Variants in UQCRB observed in about 807,000 individuals in gnomAD.
UQCRB encodes the protein cytochrome b-c1 complex subunit 7.
A neutral mutation model predicts 19.8 loss-of-function variants in UQCRB; 12 were observed. The ratio of observed to expected loss-of-function variants is 0.61; its 90% CI spans 0.39 to 0.98. The LOEUF is 0.98. Among genes scored for constraint, UQCRB ranks in the 50% least tolerant of loss-of-function variants. The pLI is 0.00. For missense variants in UQCRB, 142 were observed against 131.8 expected, an observed-to-expected ratio of 1.08 and a Z score of -0.38; for synonymous variants, 39 against 42.9, an observed-to-expected ratio of 0.91 and a Z score of 0.35.
Position 96,231,860 on chromosome 8 carries a change from C to A in UQCRB, c.172G>T (p.Asp58Tyr), listed in dbSNP as rs776718899. The change falls in exon 3 of 4, where the codon GAC (aspartate) becomes TAC (tyrosine). Residue 58 changes from aspartate (D) to tyrosine (Y), a missense_variant. Coordinates refer to ENST00000287022, the MANE Select transcript of UQCRB (RefSeq NM_006294.5). ...GCCCTCTTAATGCGAAACATCCTGTCATTATAAAGGTTCTCAGGAAGTCTT... is the reference window on the plus strand; with the variant it reads ...GCCCTCTTAATGCGAAACATCCTGTAATTATAAAGGTTCTCAGGAAGTCTT... ...IRRLPENLYN[D>Y]RMFRIKRALD... 2 of 1,614,096 alleles carry A rather than the reference C, an allele frequency of 1.2e-6. No individual in the cohort carries two copies. The highest frequency in any genetic ancestry group is 4.5e-5 in the East Asian group (2 of 44,868).
Position 96,224,621 on chromosome 8 carries a change from G to A in UQCRB, c.*6434C>T, listed in dbSNP as rs937768737. On this transcript the variant is annotated 3_prime_UTR_variant, in exon 4 of 4. Coordinates refer to ENST00000287022, the MANE Select transcript of UQCRB (RefSeq NM_006294.5). ...AGACCCGTGTTTGTGGAGCCCCTCC[G>A]GACCTCTCTCTTTTACCCTTCCTCA... 2.6e-5 allele frequency among the ~76,000 whole-genome samples: 4 copies of A among 152,124 alleles called. No homozygotes were observed. Among genetic ancestry groups the A allele is most frequent in the Admixed American group, 1.3e-4 (2 of 15,278 alleles).
intron 1 of UQCRB, chr8:96,235,164 T>A: frequency 2.2e-6 from 1 of 463,694 alleles, no homozygotes; most frequent in South Asian, 2.1e-5. Flanking sequence ...AGCACTGAGC[T>A]CATTCGGGTT....
At position 96,228,517 on chromosome 8, in the gene UQCRB, G is replaced by T; in HGVS notation, c.*2538C>A. On this transcript the variant is annotated 3_prime_UTR_variant, in exon 4 of 4. Coordinates refer to ENST00000287022, the MANE Select transcript of UQCRB (RefSeq NM_006294.5). ...CATAGAAGGAAGAGAGGAGACCTTG[G>T]ACCTTAGCTACTGGTTAGCTATTCG... 1 of 454,060 alleles carries T rather than the reference G, an allele frequency of 2.2e-6. No individual in the cohort carries two copies. The highest frequency in any genetic ancestry group is 4.4e-6 in the Non-Finnish European group (1 of 226,784). The allele number at this position is 454,060 out of a possible 1,614,324, so 28.1% of individuals were successfully genotyped here.
At chr8:96,232,946 CT>C in intron 2 of UQCRB, 1 of 556,654 alleles carries the variant, frequency 1.8e-6, no homozygotes, top group Non-Finnish European at 3.2e-6. Flanking sequence ...ATTTTAGAGG[CT>C]TTCATCCCTC....
chr8:96,230,602 T>G lies in UQCRB; in HGVS notation c.*453A>C. 2.2e-6 allele frequency: 1 copy of G among 455,200 alleles called. No homozygotes were observed. The highest frequency in any genetic ancestry group is 1.6e-5 in the South Asian group (1 of 64,490). 28.2% of individuals were successfully genotyped at this position (455,200 alleles called of 1,614,324 possible). A position where few individuals can be genotyped will look rare whatever the true frequency, so the allele number is the denominator to read the frequency against. On this transcript the variant is annotated 3_prime_UTR_variant, in exon 4 of 4. Coordinates refer to ENST00000287022, the MANE Select transcript of UQCRB (RefSeq NM_006294.5). ...GTATATTACTTAAGTATGCCTATGT[T>G]GGGGTGCAGACATAATTTCTTTTTA...
rs1809480599 is a variant in UQCRB at position 96,223,581 on chromosome 8, G to A, written c.*7474C>T. 6.6e-6 allele frequency among the ~76,000 whole-genome samples: 1 copy of A among 152,188 alleles called. No homozygotes were observed. The highest frequency in any genetic ancestry group is 1.5e-5 in the Non-Finnish European group (1 of 68,038). Reference sequence around the variant, plus strand: ...GAAAATAGAAATGTCAAGTGCCTGGGGTTGACAAAGAGCTTCTCTCAGTAG... The same window carrying A: ...GAAAATAGAAATGTCAAGTGCCTGGAGTTGACAAAGAGCTTCTCTCAGTAG... On this transcript the variant is annotated 3_prime_UTR_variant, in exon 4 of 4. Coordinates refer to ENST00000287022, the MANE Select transcript of UQCRB (RefSeq NM_006294.5).
In UQCRB at chr8:96,231,296, G is replaced by GT. The variant is rs140631053; in HGVS notation, c.259-165dup. On this transcript the variant is annotated intron_variant, in intron 3 of 3. Coordinates refer to ENST00000287022, the MANE Select transcript of UQCRB (RefSeq NM_006294.5). ...ATCTGCTTTTTAAAATGTCAAATCT[G>GT]TGGTGATGGTGTGATAAGTTGCTTT... The GT allele has an allele frequency of 5.2e-3, 8,069 of 1,554,954 alleles. 182 individuals are homozygous for GT. Among genetic ancestry groups the GT allele is most frequent in the East Asian group, 0.046 (1,908 of 41,354 alleles).
intron 2 of UQCRB, 78 bp from the exon 3 acceptor site, chr8:96,232,018 GACTTATA>G (rs1214009545): frequency 3.5e-5 from 49 of 1,390,164 alleles, no homozygotes; most frequent in Non-Finnish European, 4.7e-5. Context: ...ATACCTTTAT[GACTTATA>G]ACTTACAACT....
In UQCRB at chr8:96,228,127, C is replaced by T. The variant is rs1031208694; in HGVS notation, c.*2928G>A. 2.2e-6 allele frequency: 1 copy of T among 453,962 alleles called. No individual in the cohort carries two copies. Among genetic ancestry groups the T allele is most frequent in the African/African-American group, 2.0e-5 (1 of 50,006 alleles). 28.1% of individuals were successfully genotyped at this position (453,962 alleles called of 1,614,324 possible). ...GTGCACTACAACAGTGAACATAAGCCAGCCATCTGTTTTTTTGCAAAGTAT... is the reference window on the plus strand; with the variant it reads ...GTGCACTACAACAGTGAACATAAGCTAGCCATCTGTTTTTTTGCAAAGTAT... On this transcript the variant is annotated 3_prime_UTR_variant, in exon 4 of 4. Transcript: ENST00000287022.
At chr8:96,235,450 C>A in intron 1 of UQCRB, 62 bp downstream of exon 1, 1 of 1,613,124 alleles carries the variant, frequency 6.2e-7, no homozygotes, top group Non-Finnish European at 8.5e-7. Context: ...ACGGAGCAAG[C>A]TGCAGCAAAA....
Position 96,232,767 on chromosome 8 carries a change from G to A in UQCRB, c.91+389C>T, listed in dbSNP as rs186432588. On this transcript the variant is annotated intron_variant, in intron 2 of 3. Coordinates refer to ENST00000287022, the MANE Select transcript of UQCRB (RefSeq NM_006294.5). ...GGAGAATCACTTGAACTCGGGAGGC[G>A]GAGGTTGCAGTGAACCGTGATTGCG... is the stretch of plus-strand genomic sequence containing the variant. 1,179 of 175,754 alleles carry A rather than the reference G, an allele frequency of 6.7e-3. 16 individuals are homozygous for A. The highest frequency in any genetic ancestry group is 8.3e-3 in the Non-Finnish European group (694 of 83,718). 10.9% of individuals were successfully genotyped at this position (175,754 alleles called of 1,614,324 possible). A position where few individuals can be genotyped will look rare whatever the true frequency, so the allele number is the denominator to read the frequency against.
At chr8:96,232,138 G>T in intron 2 of UQCRB, 198 bp from the exon 3 acceptor site, 1 of 604,196 alleles carries the variant, frequency 1.7e-6, no homozygotes, top group Non-Finnish European at 2.9e-6. Context: ...GCCATTAAAA[G>T]TAATGAGTTA....
At chr8:96,233,040 G>A (rs1809712023) in intron 2 of UQCRB, 116 bp downstream of exon 2, 4 of 898,530 alleles carry the variant, frequency 4.5e-6, no homozygotes, top group Non-Finnish European at 7.0e-6. Flanking sequence ...TACAAGAACT[G>A]AAATGGTTTT....
In UQCRB at chr8:96,235,507, C is replaced by T. The variant is rs1809791309; in HGVS notation, c.19+5G>A. On this transcript the variant is annotated splice_donor_5th_base_variant and intron_variant, in intron 1 of 3. Coordinates refer to ENST00000287022, the MANE Select transcript of UQCRB (RefSeq NM_006294.5). The stretch of plus-strand genomic sequence containing the variant: ...TGCCGGCCAAGAAGACCCCCAGTTA[C>T]TTACCGGCCTGCTTACCAGCCATTT... The T allele has an allele frequency of 1.2e-6, 2 of 1,614,238 alleles. No homozygotes were observed. The highest frequency in any genetic ancestry group is 1.7e-6 in the Non-Finnish European group (2 of 1,180,044).
At position 96,228,615 on chromosome 8, in the gene UQCRB, C is replaced by T. The variant is rs557110067; in HGVS notation, c.*2440G>A. 3 of 454,142 alleles carry T rather than the reference C, an allele frequency of 6.6e-6. No individual in the cohort carries two copies. Among genetic ancestry groups the T allele is most frequent in the South Asian group, 3.1e-5 (2 of 64,478 alleles). 28.1% of individuals were successfully genotyped at this position (454,142 alleles called of 1,614,324 possible). On this transcript the variant is annotated 3_prime_UTR_variant, in exon 4 of 4. Coordinates refer to ENST00000287022, the MANE Select transcript of UQCRB (RefSeq NM_006294.5). ...CAGCACATAATTTACATTATGCATA[C>T]TATATGCCAGAAACTGTTAGTGCTT...
At position 96,230,917 on chromosome 8, in the gene UQCRB, T is replaced by C. The variant is rs758400124; in HGVS notation, c.*138A>G. On this transcript the variant is annotated 3_prime_UTR_variant, in exon 4 of 4. Transcript: ENST00000287022. ...TTCAGTAGTTATTCAGTATAAGGTT[T>C]GGAATTCAAAAACTCCAGCCATTAC... 66 of 922,860 alleles carry C rather than the reference T, an allele frequency of 7.2e-5. No individual in the cohort carries two copies. Among genetic ancestry groups the C allele is most frequent in the Non-Finnish European group, 8.1e-5 (46 of 566,632 alleles). 57.2% of individuals were successfully genotyped at this position (922,860 alleles called of 1,614,324 possible). A position where few individuals can be genotyped will look rare whatever the true frequency, so the allele number is the denominator to read the frequency against.
At chr8:96,231,744 AAC>A in intron 3 of UQCRB, 28 bp downstream of exon 3, 2 of 1,614,020 alleles carry the variant, frequency 1.2e-6, no homozygotes, top group Non-Finnish European at 1.7e-6. Flanking sequence ...CTTAATGAGC[AAC>A]ACTGTCAGGT....
intron 1 of UQCRB, chr8:96,233,483 T>C (rs1809724677): frequency 2.0e-5 from 9 of 449,130 alleles, no homozygotes; most frequent in Non-Finnish European, 3.2e-5. Flanking sequence ...AGGAAAATGG[T>C]GGCAAGTCAT....
intron 2 of UQCRB, chr8:96,232,935 C>T (rs2129814462): frequency 1.9e-6 from 1 of 524,178 alleles, no homozygotes; most frequent in South Asian, 2.5e-5. Context: ...CCAAGTCGAA[C>T]ATTTTAGAGG....
Sources: gnomAD v4.1 joint callset for allele counts (sites outside exome capture counted in the v4.1 genomes callset) on GRCh38, gnomAD v4.1.1 for gene constraint, MANE v1.5 for transcripts, NCBI Gene and HGNC (gene_info 2026-07-23, HGNC 2026-07-21) for gene names.